The following LDB2 variants were observed in gnomAD, a reference collection of about 807,000 sequenced individuals.
LDB2 encodes LIM domain-binding protein 2.
Under a neutral mutation model 44.3 loss-of-function variants are expected in LDB2, and 12 were observed. The ratio of observed to expected loss-of-function variants is 0.27; its 90% CI spans 0.17 to 0.44. The LOEUF is 0.44. Ranked by LOEUF, LDB2 falls within the 20% of genes least tolerant of loss-of-function variation. The probability of loss-of-function intolerance (pLI) is 1.00; values close to 1 mark genes in which losing one functional copy is unlikely to be tolerated. For synonymous variants in LDB2, 164 were observed against 174.8 expected, an observed-to-expected ratio of 0.94 and a Z score of 0.49; for missense variants, 344 against 473.5, an observed-to-expected ratio of 0.73 and a Z score of 2.54.
In LDB2 at chr4:16,771,695, A is replaced by G. The variant is rs533346740; in HGVS notation, c.133-12435T>C. 3.3e-5 allele frequency among the ~76,000 whole-genome samples: 5 copies of G among 152,264 alleles called. No individual in the cohort carries two copies. In the East Asian group the frequency reaches 9.7e-4, roughly 29 times the overall value. On this transcript the variant is annotated intron_variant, in intron 1 of 7. Coordinates refer to ENST00000304523, the MANE Select transcript of LDB2 (RefSeq NM_001290.5). Reference sequence around the variant, plus strand: ...CACCTCCAATCTGTCAGCAAATCCCATGAACTTACCTCCAACACATGAATG... The same window carrying G: ...CACCTCCAATCTGTCAGCAAATCCCGTGAACTTACCTCCAACACATGAATG...
intron 1 of LDB2, among the ~76,000 whole-genome samples, chr4:16,884,532 A>AT (rs1721083472): frequency 6.6e-6 from 1 of 152,082 alleles, no homozygotes; most frequent in South Asian, 2.1e-4. Context: ...CTAAAATATA[A>AT]TATCACTTTA....
At chr4:16,565,138 G>T (rs1051454037) in intron 5 of LDB2, among the ~76,000 whole-genome samples, 2 of 152,154 alleles carry the variant, frequency 1.3e-5, no homozygotes, top group African/African-American at 4.8e-5. Flanking sequence ...AGGAAAATCA[G>T]CATGAAGTCA....
At chr4:16,800,086 G>T (rs7680225) in intron 1 of LDB2, among the ~76,000 whole-genome samples, 2 of 152,098 alleles carry the variant, frequency 1.3e-5, no homozygotes, top group South Asian at 4.2e-4. Context: ...CGAGAGTGGC[G>T]GAGCTGGGAA....
intron 5 of LDB2, among the ~76,000 whole-genome samples, chr4:16,551,004 G>T (rs1737456502): frequency 6.6e-6 from 1 of 152,156 alleles, no homozygotes; most frequent in South Asian, 2.1e-4. Context: ...AGTTGGAAAA[G>T]ACTTGAACTT....
chr4:16,682,386 C>T (rs1048412280), intron 2 of LDB2, among the ~76,000 whole-genome samples: 2 of 152,226 alleles, frequency 1.3e-5, no homozygotes, highest in Non-Finnish European at 2.9e-5. Context: ...GCATCGTCAG[C>T]TGGCTCCTCC....
intron 5 of LDB2, among the ~76,000 whole-genome samples, chr4:16,522,648 G>T (rs947604852): frequency 5.3e-5 from 8 of 152,164 alleles, no homozygotes; most frequent in Non-Finnish European, 1.2e-4. Flanking sequence ...TGTATATATA[G>T]AGAGAAATGT....
intron 1 of LDB2, among the ~76,000 whole-genome samples, chr4:16,821,387 A>ATT (rs140227606): frequency 0.031 from 4,000 of 130,700 alleles, 102 homozygotes; most frequent in African/African-American, 0.05. Flanking sequence ...TTTTTTTTTT[A>ATT]TTTTTTTTTT....
chr4:16,818,538 G>T (rs1781358919), intron 1 of LDB2, among the ~76,000 whole-genome samples: 1 of 152,010 alleles, frequency 6.6e-6, no homozygotes, highest in South Asian at 2.1e-4. Context: ...TTCCTTCATT[G>T]ACTTCTTTTA....
At chr4:16,813,635 C>T (rs1047260519) in intron 1 of LDB2, among the ~76,000 whole-genome samples, 1 of 152,054 alleles carries the variant, frequency 6.6e-6, no homozygotes, top group Non-Finnish European at 1.5e-5. Context: ...CTACAGTCCC[C>T]CCAACTGTCT....
chr4:16,812,174 C>G (rs756968042), intron 1 of LDB2, among the ~76,000 whole-genome samples: 11 of 152,174 alleles, frequency 7.2e-5, no homozygotes, highest in Non-Finnish European at 1.5e-4. Flanking sequence ...GAGACAATGA[C>G]TGACACTCCA....
chr4:16,889,273 TATTATC>T (rs1722645230), intron 1 of LDB2: 1 of 152,194 alleles, frequency 6.6e-6, no homozygotes, highest in Non-Finnish European at 1.5e-5. Flanking sequence ...AAATGTAACA[TATTATC>T]ATGATTCATA....
In LDB2 at chr4:16,787,873, G is replaced by T. The variant is rs77179154; in HGVS notation, c.133-28613C>A. On this transcript the variant is annotated intron_variant, in intron 1 of 7. Coordinates refer to ENST00000304523, the MANE Select transcript of LDB2 (RefSeq NM_001290.5). ...GGACACTGCAGACACTCAAAATATT[G>T]TAAATATTGTTACTAGAAAGGGAAG... 1.4e-3 allele frequency among the ~76,000 whole-genome samples: 211 copies of T among 152,264 alleles called. 5 individuals are homozygous for T. The East Asian group carries it at 0.039, about 28-fold the overall frequency.
chr4:16,846,142 G>A (rs1189172102), intron 1 of LDB2, among the ~76,000 whole-genome samples: 1 of 151,328 alleles, frequency 6.6e-6, no homozygotes, highest in Non-Finnish European at 1.5e-5. Flanking sequence ...TTAATAAGTA[G>A]CAAGGCTGGA....
intron 1 of LDB2, among the ~76,000 whole-genome samples, chr4:16,842,287 A>G (rs2108935): frequency 0.22 from 32,800 of 152,156 alleles, 4,417 homozygotes; most frequent in East Asian, 0.51. Context: ...TTGTTCAATG[A>G]AAGGAGAAAG....
chr4:16,752,441 G>T (rs1765674218), intron 2 of LDB2: 1 of 453,388 alleles, frequency 2.2e-6, no homozygotes, highest in African/African-American at 2.0e-5. Flanking sequence ...TCCCCAATTG[G>T]TCTTAAATTC....
chr4:16,518,334 A>AT (rs891410619), intron 5 of LDB2, among the ~76,000 whole-genome samples: 3 of 152,096 alleles, frequency 2.0e-5, no homozygotes, highest in Admixed American at 6.5e-5. Flanking sequence ...GCAGTATTTG[A>AT]TTATCTCCCA....
At chr4:16,806,326 C>T (rs1461093892) in intron 1 of LDB2, among the ~76,000 whole-genome samples, 1 of 152,202 alleles carries the variant, frequency 6.6e-6, no homozygotes, top group East Asian at 1.9e-4. Context: ...CCCCATGAAA[C>T]TCTGATTTTC....
At chr4:16,685,925 G>T (rs575378638) in intron 2 of LDB2, among the ~76,000 whole-genome samples, 31 of 152,262 alleles carry the variant, frequency 2.0e-4, no homozygotes, top group African/African-American at 7.5e-4. Flanking sequence ...GGTGGTGTGT[G>T]CCTGTAGTCC....
chr4:16,870,047 A>T (rs1182010435), intron 1 of LDB2, among the ~76,000 whole-genome samples: 1 of 152,212 alleles, frequency 6.6e-6, no homozygotes, highest in Admixed American at 6.5e-5. Flanking sequence ...GCCAGCCAGC[A>T]GCAACCCCAA....
Sources: allele counts gnomAD v4.1 joint callset (sites outside exome capture counted in the v4.1 genomes callset), GRCh38; gene constraint gnomAD v4.1.1; transcripts MANE v1.5; gene names NCBI Gene and HGNC (gene_info 2026-07-23, HGNC 2026-07-21).